UNKL: variants seen among roughly 807,000 people sequenced by gnomAD.
The protein encoded by UNKL is putative E3 ubiquitin-protein ligase UNKL.
UNKL carries 60 observed loss-of-function variants against 78.0 expected under a neutral mutation model. The ratio of observed to expected loss-of-function variants is 0.77; its 90% CI spans 0.63 to 0.95. The LOEUF (loss-of-function observed/expected upper bound fraction) is 0.95. UNKL is among the 40% of genes least tolerant of loss of function. UNKL has a pLI of 0.00. For synonymous variants in UNKL, 608 were observed against 474.8 expected, an observed-to-expected ratio of 1.28 and a Z score of -3.65; for missense variants, 1,159 against 1,045.7, an observed-to-expected ratio of 1.11 and a Z score of -1.49.
chr16:1,363,585 C>T lies in UNKL; in HGVS notation c.*2655G>A, dbSNP rs569695686. On this transcript the variant is annotated 3_prime_UTR_variant, in exon 15 of 15. Coordinates refer to ENST00000389221, the MANE Select transcript of UNKL (RefSeq NM_001372107.1). ...CGGCCGCCAGCCAGCTCCTACGCCC[C>T]GTGCCCGCCATGGCCACAGGGGGGA... The T allele has an allele frequency of 2.9e-3, 620 of 213,850 alleles. 1 individual carries two copies. Among genetic ancestry groups the T allele is most frequent in the Middle Eastern group, 8.4e-3 (4 of 474 alleles). 13.2% of individuals were successfully genotyped at this position (213,850 alleles called of 1,614,324 possible).
intron 4 of UNKL, among the ~76,000 whole-genome samples, chr16:1,400,417 C>CAAAAAAAAAAAAA (rs56093103): frequency 9.7e-5 from 3 of 30,798 alleles, no homozygotes; most frequent in African/African-American, 2.7e-4. Flanking sequence ...GACTCCATCT[C>CAAAAAAAAAAAAA]AAAAAAAAAA....
chr16:1,370,237 A>C lies in UNKL; in HGVS notation c.1478T>G (p.Leu493Arg). The C allele has an allele frequency of 6.5e-7, 1 of 1,531,054 alleles. No homozygotes were observed. Among genetic ancestry groups the C allele is most frequent in the South Asian group, 1.2e-5 (1 of 83,726 alleles). 94.8% of individuals were successfully genotyped at this position (1,531,054 alleles called of 1,614,324 possible). The change falls in exon 12 of 15, where the codon CTC (leucine) becomes CGC (arginine). Residue 493 changes from leucine (L) to arginine (R), a missense_variant. Physicochemically the swap from Leu to Arg is moderately radical, Grantham distance 102 (BLOSUM62 -2). Transcript: ENST00000389221. ...TSPLGSLSQP[L>R]PGPVGSSAMT... is the part of the protein sequence containing the mutation. ...GGCTGAGGAGCCCACCGGCCCTGGG[A>C]GGGGCTGGGACAGCGAACCGAGCGG...
chr16:1,414,098 T>TC, intron 1 of UNKL, 43 bp from the exon 2 acceptor site: 1 of 1,507,148 alleles, frequency 6.6e-7, no homozygotes, highest in South Asian at 1.2e-5. Flanking sequence ...CGGCAGCACC[T>TC]CCAGGGACTC....
intron 1 of UNKL, 143 bp from the exon 2 acceptor site, chr16:1,414,198 GC>G: frequency 1.2e-6 from 1 of 819,748 alleles, no homozygotes; most frequent in Non-Finnish European, 1.8e-6. Context: ...CAGGCGCTGC[GC>G]CCACCCCCAT....
chr16:1,399,599 C>A lies in UNKL; in HGVS notation c.599-90G>T. The A allele has an allele frequency of 6.5e-7, 1 of 1,526,786 alleles. No individual in the cohort carries two copies. The highest frequency in any genetic ancestry group is 1.2e-5 in the South Asian group (1 of 83,640). The allele number at this position is 1,526,786 out of a possible 1,614,324, so 94.6% of individuals were successfully genotyped here. A position where few individuals can be genotyped will look rare whatever the true frequency, so the allele number is the denominator to read the frequency against. On this transcript the variant is annotated intron_variant, in intron 4 of 14. Transcript: ENST00000389221. This position sits in a 1 kb window ranked among gnomAD's most constrained non-coding sequence, Gnocchi z 5.8. ...AAAGGTGGAAGGACCTGGCTGTCCCCCAAATGGAAGGGGCTGCAGGAGGAC... is the reference window on the plus strand; with the variant it reads ...AAAGGTGGAAGGACCTGGCTGTCCCACAAATGGAAGGGGCTGCAGGAGGAC...
Position 1,399,164 on chromosome 16 carries a change from G to A in UNKL, c.734+210C>T, listed in dbSNP as rs549095494. The A allele has an allele frequency of 7.2e-5, 80 of 1,108,918 alleles. No homozygotes were observed. In the African/African-American group the frequency reaches 7.4e-4, roughly 10 times the overall value. 68.7% of individuals were successfully genotyped at this position (1,108,918 alleles called of 1,614,324 possible). The stretch of plus-strand genomic sequence containing the variant: ...GGGGACTGCATGGGAGACACTGAGC[G>A]TAGGTGGGGAGGCCCATCCCCAGGA... On this transcript the variant is annotated intron_variant, in intron 5 of 14. Coordinates refer to ENST00000389221, the MANE Select transcript of UNKL (RefSeq NM_001372107.1). The surrounding 1 kb of genome is among the most constrained non-coding windows in gnomAD (Gnocchi z 5.8).
chr16:1,412,944 G>A (rs1262240665), intron 2 of UNKL, among the ~76,000 whole-genome samples: 1 of 152,072 alleles, frequency 6.6e-6, no homozygotes, highest in Non-Finnish European at 1.5e-5. Context: ...TGCAGGAACT[G>A]TGTCAAATCA....
rs932099126 is a variant in UNKL, at chr16:1,387,598, A to T, written c.1087-2213T>A. 3.3e-5 allele frequency among the ~76,000 whole-genome samples: 5 copies of T among 152,172 alleles called. No individual in the cohort carries two copies. The East Asian group carries it at 9.6e-4, about 29-fold the overall frequency. ...ACCTGGGCTGTGGGGCTGAGGAGGC[A>T]GGCACCAGCAAGGGGTGAGTGACGT... On this transcript the variant is annotated intron_variant, in intron 9 of 14. Coordinates refer to ENST00000389221, the MANE Select transcript of UNKL (RefSeq NM_001372107.1). The surrounding 1 kb of genome is among the most constrained non-coding windows in gnomAD (Gnocchi z 4.1).
At chr16:1,412,408 C>T (rs544160474) in intron 2 of UNKL, among the ~76,000 whole-genome samples, 3 of 151,672 alleles carry the variant, frequency 2.0e-5, no homozygotes, top group African/African-American at 4.8e-5. Context: ...GTCAGGAGTT[C>T]GAGACCAGCC....
chr16:1,414,051 G>A lies in UNKL; in HGVS notation c.82C>T (p.Leu28=). The A allele has an allele frequency of 1.3e-6, 2 of 1,545,944 alleles. No individual in the cohort carries two copies. The highest frequency in any genetic ancestry group is 1.4e-5 in the African/African-American group (1 of 73,062). The part of the protein sequence containing the change: ...QTEKPTHYRY[L]KEFRTEQCPL... ...CACTGCTCCGTCCTGAACTCCTTCA[G>A]GTACCTACAAACACAGACAGCGCCG... Residue 28 remains leucine (L), a synonymous_variant, in exon 2 of 15, where the codon CTG becomes TTG. Transcript: ENST00000389221.
rs933919587 is a variant in UNKL, at chr16:1,366,510, TAC to T, written c.2047-117_2047-116del. ...CATCTCAGGCCGCCCGGCCACCAGC[TAC>T]AGAGACAGGGTCAGGGAGACGCCCC... On this transcript the variant is annotated intron_variant, in intron 14 of 14. Transcript: ENST00000389221. 6.8e-6 allele frequency: 9 copies of T among 1,332,520 alleles called. 1 individual carries two copies. Among genetic ancestry groups the T allele is most frequent in the African/African-American group, 5.9e-5 (4 of 67,364 alleles). 82.5% of individuals were successfully genotyped at this position (1,332,520 alleles called of 1,614,324 possible). A position where few individuals can be genotyped will look rare whatever the true frequency, so the allele number is the denominator to read the frequency against.
chr16:1,379,646 G>T, intron 10 of UNKL: 2 of 984,564 alleles, frequency 2.0e-6, no homozygotes, highest in South Asian at 4.7e-5. Context: ...GCTGACTCAC[G>T]GTCCGCGGCC....
At chr16:1,398,758 G>A in intron 5 of UNKL, 3 of 1,532,104 alleles carry the variant, frequency 2.0e-6, no homozygotes, top group Non-Finnish European at 2.6e-6. Context: ...GGCCGGGCTG[G>A]AGCAAGGAGG....
At chr16:1,378,382 G>A (rs1220960885) in intron 10 of UNKL, among the ~76,000 whole-genome samples, 1 of 152,200 alleles carries the variant, frequency 6.6e-6, no homozygotes, top group Admixed American at 6.5e-5. Flanking sequence ...TCAGGATATG[G>A]CAGCCCCTTC....
At chr16:1,408,205 C>T (rs1246068971) in intron 2 of UNKL, among the ~76,000 whole-genome samples, 1 of 152,118 alleles carries the variant, frequency 6.6e-6, no homozygotes, top group African/African-American at 2.4e-5. Context: ...GAAAAGCAAG[C>T]GCCTGCCCCT....
chr16:1,397,491 GA>G (rs2037328257), intron 5 of UNKL, among the ~76,000 whole-genome samples, 196 bp from the exon 6 acceptor site: 2 of 81,944 alleles, frequency 2.4e-5, no homozygotes, highest in South Asian at 1.2e-3. Flanking sequence ...GAGGTGTCAG[GA>G]GGACACAGAG....
At position 1,363,324 on chromosome 16, in the gene UNKL, CGCT is replaced by C; in HGVS notation, c.*2913_*2915del. On this transcript the variant is annotated 3_prime_UTR_variant, in exon 15 of 15. Transcript: ENST00000389221. ...AAACAAGTGTTAACTTTAAACAGTT[CGCT>C]ACAAGTAAATGATTATAAATACTAC... 1.9e-6 allele frequency: 1 copy of C among 536,300 alleles called. No individual in the cohort carries two copies. Among genetic ancestry groups the C allele is most frequent in the South Asian group, 2.0e-5 (1 of 49,300 alleles). 33.2% of individuals were successfully genotyped at this position (536,300 alleles called of 1,614,324 possible). A position where few individuals can be genotyped will look rare whatever the true frequency, so the allele number is the denominator to read the frequency against.
chr16:1,403,259 T>C lies in UNKL; in HGVS notation c.373A>G (p.Thr125Ala), dbSNP rs760051500. 6.2e-7 allele frequency: 1 copy of C among 1,614,164 alleles called. No homozygotes were observed. Among genetic ancestry groups the C allele is most frequent in the South Asian group, 1.1e-5 (1 of 91,084 alleles). The change falls in exon 3 of 15, where the codon ACA (threonine) becomes GCA (alanine). Residue 125 changes from threonine (T) to alanine (A), a missense_variant. Thr to Ala is a moderately conservative substitution (Grantham distance 58). Transcript: ENST00000389221. The surrounding 1 kb of genome is among the most constrained non-coding windows in gnomAD (Gnocchi z 4.8). Reference sequence around the variant, plus strand: ...TTCACGCAGTGGCCACGTGCGTCTGTCTCGTGGATGCAGGTTCCTGTTTTG... The same window carrying C: ...TTCACGCAGTGGCCACGTGCGTCTGCCTCGTGGATGCAGGTTCCTGTTTTG... ...YYKTGTCIHE[T>A]DARGHCVKNG...
At chr16:1,398,937 G>A (rs1203294604) in intron 5 of UNKL, 4 of 1,548,022 alleles carry the variant, frequency 2.6e-6, no homozygotes, top group Non-Finnish European at 3.5e-6. Flanking sequence ...CGTCCCAGCT[G>A]CCAGCTGTGA....
Sources: allele counts gnomAD v4.1 joint callset (sites outside exome capture counted in the v4.1 genomes callset), GRCh38; gene constraint gnomAD v4.1.1; non-coding constraint Gnocchi (gnomAD v3.1); transcripts MANE v1.5; gene names NCBI Gene and HGNC (gene_info 2026-07-23, HGNC 2026-07-21).